Variants in CAPS2 observed in about 807,000 individuals in gnomAD.
CAPS2 encodes calcyphosine 2.
In CAPS2, 98 loss-of-function variants were observed where a neutral mutation model predicts 86.5. That is an observed-to-expected ratio of 1.13 (90% confidence interval 0.96 to 1.34). CAPS2 has a LOEUF of 1.34. Ranked by LOEUF, CAPS2 falls within the 40% of genes most tolerant of loss-of-function variation. The probability of loss-of-function intolerance (pLI) is 0.00; values close to 1 mark genes in which losing one functional copy is unlikely to be tolerated. For synonymous variants in CAPS2, 210 were observed against 225.1 expected, an observed-to-expected ratio of 0.93 and a Z score of 0.60; for missense variants, 729 against 686.8, an observed-to-expected ratio of 1.06 and a Z score of -0.69.
chr12:75,370,381 T>G, intron 1 of CAPS2: 1 of 423,084 alleles, frequency 2.4e-6, no homozygotes, highest in Non-Finnish European at 4.2e-6. Flanking sequence ...GATTATTTTT[T>G]AATTACAAAT....
chr12:75,279,931 T>G (rs2033620653), intron 16 of CAPS2, among the ~76,000 whole-genome samples: 2 of 151,984 alleles, frequency 1.3e-5, no homozygotes, highest in African/African-American at 4.8e-5. Context: ...GTTTTTTTTC[T>G]GAGGAAACAT....
chr12:75,325,430 C>G, intron 1 of CAPS2, 142 bp from the exon 3 acceptor site: 2 of 715,286 alleles, frequency 2.8e-6, no homozygotes, highest in Non-Finnish European at 4.3e-6. Context: ...CTTATTAAGC[C>G]CCTTCCTACT....
At chr12:75,377,840 G>GATATATATATATATATATATAT (rs71078726) in intron 1 of CAPS2, among the ~76,000 whole-genome samples, 3 of 146,986 alleles carry the variant, frequency 2.0e-5, no homozygotes, top group South Asian at 4.4e-4. Context: ...AACCATCACA[G>GATATATATATATATATATATAT]ATATATATAT....
chr12:75,363,385 C>G (rs1411075246), intron 1 of CAPS2, among the ~76,000 whole-genome samples: 2 of 152,100 alleles, frequency 1.3e-5, no homozygotes, highest in African/African-American at 4.8e-5. Context: ...GATTACTCCC[C>G]CTCTGAAGCT....
At chr12:75,366,033 CAATTCT>C (rs1294349696) in intron 1 of CAPS2, among the ~76,000 whole-genome samples, 2 of 152,090 alleles carry the variant, frequency 1.3e-5, no homozygotes, top group Non-Finnish European at 2.9e-5. Flanking sequence ...AAAAATGCTA[CAATTCT>C]AATTCTAATG....
chr12:75,314,380 A>G (rs1275439974), intron 6 of CAPS2, among the ~76,000 whole-genome samples: 1 of 152,170 alleles, frequency 6.6e-6, no homozygotes, highest in Non-Finnish European at 1.5e-5. Flanking sequence ...AATTATTATT[A>G]AACACTGTTA....
At chr12:75,353,308 G>A (rs2042934809) in intron 1 of CAPS2, among the ~76,000 whole-genome samples, 1 of 152,090 alleles carries the variant, frequency 6.6e-6, no homozygotes, top group African/African-American at 2.4e-5. Context: ...AAATGATAAA[G>A]GGGTATCACC....
intron 1 of CAPS2, among the ~76,000 whole-genome samples, chr12:75,353,480 T>C (rs1010009608): frequency 4.6e-5 from 7 of 151,976 alleles, no homozygotes; most frequent in Non-Finnish European, 8.8e-5. Flanking sequence ...CAATAACAAG[T>C]TCTGAAATTG....
At chr12:75,335,856 G>A (rs1358791948) in intron 1 of CAPS2, among the ~76,000 whole-genome samples, 1 of 151,814 alleles carries the variant, frequency 6.6e-6, no homozygotes, top group African/African-American at 2.4e-5. Context: ...AATCTTCAAC[G>A]GAATTCAGAA....
intron 1 of CAPS2, among the ~76,000 whole-genome samples, chr12:75,355,081 A>C (rs1022248709): frequency 1.3e-5 from 2 of 152,222 alleles, no homozygotes; most frequent in Admixed American, 1.3e-4. Context: ...CAAACGTTTC[A>C]AGACAAAAAC....
chr12:75,372,025 T>C (rs1184697904), intron 1 of CAPS2, among the ~76,000 whole-genome samples: 1 of 152,184 alleles, frequency 6.6e-6, no homozygotes, highest in African/African-American at 2.4e-5. Context: ...GTTTGTTTGT[T>C]GTTTCTTTTT....
At position 75,360,073 on chromosome 12, in the gene CAPS2, T is replaced by A. The variant is rs540533045; in HGVS notation, c.-395+30765A>T. On this transcript the variant is annotated intron_variant, in intron 1 of 5. Coordinates refer to the CAPS2 transcript ENST00000551829. ...TCTCATGAGAACTCACTCACTATCA[T>A]GAGAACAGCATGGGGGAAACTGCCC... 6 of 152,266 alleles carry A rather than the reference T, an allele frequency of 3.9e-5. No individual in the cohort carries two copies. The East Asian group carries it at 1.2e-3, about 29-fold the overall frequency. 9.4% of individuals were successfully genotyped at this position (152,266 alleles called of 1,614,324 possible).
chr12:75,300,685 C>A (rs375552280), intron 8 of CAPS2, among the ~76,000 whole-genome samples: 117 of 151,098 alleles, frequency 7.7e-4, no homozygotes, highest in Middle Eastern at 3.5e-3. Context: ...AAGAGAGTGG[C>A]ATGAGAAGAG....
intron 16 of CAPS2, among the ~76,000 whole-genome samples, chr12:75,280,575 CATG>C (rs2033755155): frequency 6.6e-6 from 1 of 151,494 alleles, no homozygotes; most frequent in East Asian, 1.9e-4. Context: ...GAAAAAAATA[CATG>C]ATGTTAAACT....
At chr12:75,366,813 G>C in intron 1 of CAPS2, 1 of 697,428 alleles carries the variant, frequency 1.4e-6, no homozygotes, top group East Asian at 2.7e-5. Context: ...CCTCTGAGAG[G>C]GCTAAAAATG....
intron 5 of CAPS2, chr12:75,318,138 T>C (rs2039959095): frequency 6.6e-6 from 1 of 152,172 alleles, no homozygotes; most frequent in South Asian, 2.1e-4. Context: ...TTCATCCTTG[T>C]AGAGTCATTC....
intron 1 of CAPS2, among the ~76,000 whole-genome samples, chr12:75,356,547 T>A (rs1277558374): frequency 6.6e-6 from 1 of 151,560 alleles, no homozygotes; most frequent in Non-Finnish European, 1.5e-5. Context: ...AAACAAAGAG[T>A]AATCGCAAAT....
intron 1 of CAPS2, chr12:75,347,619 T>A (rs779601919): frequency 6.3e-7 from 1 of 1,595,816 alleles, no homozygotes; most frequent in South Asian, 1.1e-5. Flanking sequence ...CTTTTCTTTA[T>A]AGTTAGTTTG....
chr12:75,369,984 A>G, intron 1 of CAPS2: 1 of 1,083,876 alleles, frequency 9.2e-7, no homozygotes, highest in Non-Finnish European at 1.3e-6. Flanking sequence ...ATTATACCTA[A>G]CCGTATGTAT....
Sources: gnomAD v4.1 joint callset for allele counts (sites outside exome capture counted in the v4.1 genomes callset) on GRCh38, gnomAD v4.1.1 for gene constraint, MANE v1.5 for transcripts, NCBI Gene and HGNC (gene_info 2026-07-23, HGNC 2026-07-21) for gene names.